Variants in EP300 observed in about 807,000 individuals in gnomAD.
EP300 encodes the protein EP300 lysine acetyltransferase.
Under a neutral mutation model 264.0 loss-of-function variants are expected in EP300, and 31 were observed. The observed-to-expected ratio is 0.12, with a 90% CI of 0.09 to 0.16. EP300 has a LOEUF of 0.16. Among genes scored for constraint, EP300 ranks in the 10% least tolerant of loss-of-function variants. EP300 has a pLI of 1.00. For missense variants in EP300, 2,766 were observed against 3,052.9 expected, an observed-to-expected ratio of 0.91 and a Z score of 2.21; for synonymous variants, 1,340 against 1,045.4, an observed-to-expected ratio of 1.28 and a Z score of -5.44.
chr22:41,099,273 T>C (rs1285478180), intron 1 of EP300, among the ~76,000 whole-genome samples: 4 of 151,918 alleles, frequency 2.6e-5, no homozygotes, highest in African/African-American at 9.7e-5. Context: ...GACCTCGTGA[T>C]CCACCCACCT....
rs1188043782 is a variant in EP300, at chr22:41,179,030, T to C, written c.*74T>C. 1 of 1,568,982 alleles carries C rather than the reference T, an allele frequency of 6.4e-7. No individual in the cohort carries two copies. ...AGACTTTTTGTACTGAAAACAATTT[T>C]TTTGAATCTTTCGTAGCCTAAAAGA... On this transcript the variant is annotated 3_prime_UTR_variant, in exon 31 of 31. Transcript: ENST00000263253.
In EP300 at chr22:41,146,858, G is replaced by A. The variant is rs146973191; in HGVS notation, c.2131+42G>A. 43 of 1,533,930 alleles carry A rather than the reference G, an allele frequency of 2.8e-5. No homozygotes were observed. The African/African-American group carries it at 3.9e-4, about 14-fold the overall frequency. ...ATTTTTTTATTTTAAAAGAATCCCC[G>A]GTGTACTGCAAGATAATACTTGCTA... is the stretch of plus-strand genomic sequence containing the variant. On this transcript the variant is annotated intron_variant, in intron 11 of 30. Transcript: ENST00000263253.
intron 23 of EP300, among the ~76,000 whole-genome samples, chr22:41,167,060 C>T (rs551813414): frequency 6.6e-6 from 1 of 152,314 alleles, no homozygotes; most frequent in Non-Finnish European, 1.5e-5. Context: ...TGCAGTGGCA[C>T]GATCTCAGCT....
intron 6 of EP300, among the ~76,000 whole-genome samples, chr22:41,132,094 G>T (rs1327553021): frequency 6.6e-6 from 1 of 151,276 alleles, no homozygotes; most frequent in African/African-American, 2.4e-5. Context: ...TACACGAGAG[G>T]CTGAGACAGG....
intron 22 of EP300, 54 bp downstream of exon 22, chr22:41,164,184 A>G (rs1421225704): frequency 3.2e-5 from 48 of 1,509,828 alleles, no homozygotes; most frequent in Non-Finnish European, 4.2e-5. Flanking sequence ...GTGAATATTA[A>G]CAAGTTTTTT....
chr22:41,172,895 A>G (rs534515801), intron 28 of EP300, among the ~76,000 whole-genome samples: 3 of 152,368 alleles, frequency 2.0e-5, no homozygotes, highest in African/African-American at 4.8e-5. Context: ...GTAATGTGAA[A>G]TGATAAAAGA....
chr22:41,122,154 C>CT (rs2058855872), intron 2 of EP300, among the ~76,000 whole-genome samples: 1 of 97,242 alleles, frequency 1.0e-5, no homozygotes, highest in Non-Finnish European at 2.2e-5. Context: ...CTTTCTTCTT[C>CT]TTCTTTTTTT....
At chr22:41,171,778 A>AT (rs1217637772) in intron 27 of EP300, among the ~76,000 whole-genome samples, 3 of 150,380 alleles carry the variant, frequency 2.0e-5, no homozygotes, top group Non-Finnish European at 4.4e-5. Flanking sequence ...AGCCAGGCTA[A>AT]TTTTTTCTAT....
chr22:41,112,877 T>C (rs1033822202), intron 1 of EP300, among the ~76,000 whole-genome samples: 24 of 152,156 alleles, frequency 1.6e-4, no homozygotes, highest in South Asian at 2.1e-4. Context: ...TGGCTTCCCA[T>C]GTGCCTATTA....
At chr22:41,130,313 A>G (rs2058911129) in intron 5 of EP300, among the ~76,000 whole-genome samples, 1 of 152,012 alleles carries the variant, frequency 6.6e-6, no homozygotes, top group African/African-American at 2.4e-5. Flanking sequence ...TCATCCCAAC[A>G]GTTTTGGAAG....
At chr22:41,099,343 T>A (rs1445199215) in intron 1 of EP300, among the ~76,000 whole-genome samples, 3 of 152,186 alleles carry the variant, frequency 2.0e-5, no homozygotes, top group Non-Finnish European at 1.5e-5. Flanking sequence ...TGTTTTTGTT[T>A]TTCGTGGATA....
intron 29 of EP300, 113 bp from the exon 30 acceptor site, chr22:41,176,134 T>C: frequency 8.0e-7 from 1 of 1,245,382 alleles, no homozygotes; most frequent in Non-Finnish European, 1.1e-6. Flanking sequence ...GTGGGATAAT[T>C]GCTTGAGCCC....
chr22:41,114,859 A>G (rs998007616), intron 1 of EP300, among the ~76,000 whole-genome samples: 1 of 151,878 alleles, frequency 6.6e-6, no homozygotes, highest in African/African-American at 2.4e-5. Flanking sequence ...AAGGGCACAT[A>G]CAGGAAGAGT....
At chr22:41,109,680 A>T (rs978466946) in intron 1 of EP300, among the ~76,000 whole-genome samples, 1 of 152,038 alleles carries the variant, frequency 6.6e-6, no homozygotes, top group Non-Finnish European at 1.5e-5. Context: ...CTTTGCTGTT[A>T]TGCAGAGATG....
chr22:41,142,897 A>C (rs2058991182), intron 10 of EP300, among the ~76,000 whole-genome samples: 2 of 151,822 alleles, frequency 1.3e-5, no homozygotes, highest in Admixed American at 6.6e-5. Flanking sequence ...AAAAAAAAAC[A>C]AGTGGACATA....
At chr22:41,167,574 G>A (rs113225355) in intron 23 of EP300, among the ~76,000 whole-genome samples, 476 of 29,180 alleles carry the variant, frequency 0.016, 24 homozygotes, top group African/African-American at 0.025. Flanking sequence ...GTGTGTGTGT[G>A]TGTGTGTGTG....
At position 41,109,740 on chromosome 22, in the gene EP300, G is replaced by A. The variant is rs539126691; in HGVS notation, c.95-7447G>A. Reference sequence around the variant, plus strand: ...TTTTTTTTGGCAGGGGGAGGAGGACGGGAACGGATGGAGTTGGTTTTTTTT... The same window carrying A: ...TTTTTTTTGGCAGGGGGAGGAGGACAGGAACGGATGGAGTTGGTTTTTTTT... On this transcript the variant is annotated intron_variant, in intron 1 of 30. Coordinates refer to ENST00000263253, the MANE Select transcript of EP300 (RefSeq NM_001429.4). Among the ~76,000 whole-genome samples, 20 of 151,664 alleles carry A rather than the reference G, an allele frequency of 1.3e-4. No homozygotes were observed. The East Asian group carries it at 3.5e-3, about 26-fold the overall frequency.
At chr22:41,132,032 CTA>C (rs1280161627) in intron 6 of EP300, among the ~76,000 whole-genome samples, 1 of 151,824 alleles carries the variant, frequency 6.6e-6, no homozygotes, top group African/African-American at 2.4e-5. Context: ...CCCGTCTCTA[CTA>C]AAAATACAAA....
At chr22:41,154,496 C>G in intron 16 of EP300, among the ~76,000 whole-genome samples, 1 of 147,728 alleles carries the variant, frequency 6.8e-6, no homozygotes, top group African/African-American at 2.5e-5. Flanking sequence ...GTTCTCTTGC[C>G]TCAAGCCTCC....
Sources: allele counts gnomAD v4.1 joint callset (sites outside exome capture counted in the v4.1 genomes callset), GRCh38; gene constraint gnomAD v4.1.1; transcripts MANE v1.5; gene names NCBI Gene and HGNC (gene_info 2026-07-23, HGNC 2026-07-21).